Variants in ACYP2 observed in about 807,000 individuals in gnomAD.
ACYP2 encodes acylphosphatase-2.
Under a neutral mutation model 11.2 loss-of-function variants are expected in ACYP2, and 12 were observed. The ratio of observed to expected loss-of-function variants is 1.08; its 90% confidence interval spans 0.69 to 1.74. The LOEUF is 1.74. Among genes scored for constraint, ACYP2 ranks in the 40% most tolerant of loss-of-function variants. The pLI, the probability that ACYP2 is intolerant of heterozygous loss-of-function variation, is 0.00. For synonymous variants in ACYP2, 43 were observed against 32.2 expected (o/e 1.33, Z -1.13); for missense variants, 134 against 101.9 (o/e 1.31, Z -1.35).
intron 6 of ACYP2, among the ~76,000 whole-genome samples, chr2:54,198,727 A>G (rs1309895441): frequency 6.6e-6 from 1 of 152,250 alleles, no homozygotes; most frequent in Non-Finnish European, 1.5e-5. Flanking sequence ...ATAAAAAATG[A>G]ACAAAAACCA....
intron 4 of ACYP2, among the ~76,000 whole-genome samples, chr2:54,090,751 A>C (rs1045582456): frequency 1.3e-5 from 2 of 151,850 alleles, no homozygotes; most frequent in African/African-American, 4.8e-5. Context: ...CTTTTGCCCT[A>C]TTTTCCTTTG....
chr2:54,242,394 G>C (rs1417073764), intron 6 of ACYP2, among the ~76,000 whole-genome samples: 1 of 152,194 alleles, frequency 6.6e-6, no homozygotes, highest in Non-Finnish European at 1.5e-5. Context: ...CCTTGTCATT[G>C]TGGTTATTGG....
chr2:54,233,437 C>T (rs1686333111), intron 6 of ACYP2, among the ~76,000 whole-genome samples: 1 of 151,782 alleles, frequency 6.6e-6, no homozygotes, highest in African/African-American at 2.4e-5. Flanking sequence ...GCTGGGACTA[C>T]AGGCATGAGC....
intron 6 of ACYP2, among the ~76,000 whole-genome samples, chr2:54,274,105 T>G (rs1408782788): frequency 2.0e-5 from 3 of 152,194 alleles, no homozygotes; most frequent in Non-Finnish European, 4.4e-5. Flanking sequence ...TATAATGGAC[T>G]TACAGTTTCA....
intron 4 of ACYP2, among the ~76,000 whole-genome samples, chr2:54,123,017 T>C (rs993749509): frequency 1.3e-5 from 2 of 152,170 alleles, no homozygotes; most frequent in Non-Finnish European, 2.9e-5. Flanking sequence ...GAGGCTACTC[T>C]AGGGTAGAGC....
At chr2:54,127,714 C>T (rs1680622378) in intron 4 of ACYP2, among the ~76,000 whole-genome samples, 1 of 149,104 alleles carries the variant, frequency 6.7e-6, no homozygotes. Flanking sequence ...CACCATGCCA[C>T]TCCACTGCAG....
chr2:54,275,470 C>T lies in ACYP2; in HGVS notation c.405-29218C>T, dbSNP rs542780602. Among the ~76,000 whole-genome samples, 21 of 152,284 alleles carry T rather than the reference C, an allele frequency of 1.4e-4. 1 individual carries two copies. The highest frequency in any genetic ancestry group is 1.2e-3 in the Admixed American group (18 of 15,292). ...TCTTTAATTTTGAAAGAGGAATAGTCCCACTTGACTATTTCTAGCTTCCAG... is the reference window on the plus strand; with the variant it reads ...TCTTTAATTTTGAAAGAGGAATAGTTCCACTTGACTATTTCTAGCTTCCAG... On this transcript the variant is annotated intron_variant, in intron 6 of 6. Transcript: ENST00000607452.
chr2:54,266,588 A>ATATTTTTTT (rs1558655792), intron 6 of ACYP2, among the ~76,000 whole-genome samples: 1 of 91,140 alleles, frequency 1.1e-5, no homozygotes, highest in Non-Finnish European at 2.1e-5. Context: ...ATATCTATCT[A>ATATTTTTTT]TCTTTTTTTT....
intron 4 of ACYP2, among the ~76,000 whole-genome samples, chr2:54,102,744 A>G (rs1187685687): frequency 1.3e-5 from 2 of 151,400 alleles, no homozygotes; most frequent in African/African-American, 2.4e-5. Context: ...GGCTCAAACA[A>G]TATCATCAGG....
chr2:54,246,038 T>A (rs760323995), intron 6 of ACYP2, among the ~76,000 whole-genome samples: 32 of 152,126 alleles, frequency 2.1e-4, no homozygotes, highest in Non-Finnish European at 3.7e-4. Flanking sequence ...TTATGTAGAG[T>A]GAGAGATGGA....
intron 2 of ACYP2, among the ~76,000 whole-genome samples, chr2:53,998,316 A>T (rs990816060): frequency 1.3e-5 from 2 of 152,186 alleles, no homozygotes; most frequent in Non-Finnish European, 1.5e-5. Flanking sequence ...CCAGAAATGT[A>T]TCAGTGAATG....
chr2:54,275,518 T>C (rs1688517116), intron 6 of ACYP2, among the ~76,000 whole-genome samples: 1 of 152,220 alleles, frequency 6.6e-6, no homozygotes, highest in Non-Finnish European at 1.5e-5. Flanking sequence ...AGAGAAAACA[T>C]TTCTTTAGAA....
intron 4 of ACYP2, among the ~76,000 whole-genome samples, chr2:54,129,617 T>G (rs1219545229): frequency 6.7e-6 from 1 of 149,980 alleles, no homozygotes; most frequent in African/African-American, 2.4e-5. Context: ...ATAATAGATA[T>G]GTACTATGGA....
At chr2:53,979,883 G>A (rs1367843494) in intron 2 of ACYP2, among the ~76,000 whole-genome samples, 2 of 151,826 alleles carry the variant, frequency 1.3e-5, no homozygotes, top group African/African-American at 4.8e-5. Flanking sequence ...GTAGAGACAA[G>A]GTTTCACCAT....
At chr2:54,051,541 A>G in intron 3 of ACYP2, 1 of 734,688 alleles carries the variant, frequency 1.4e-6, no homozygotes, top group African/African-American at 1.7e-5. Flanking sequence ...GCCCAAAAAT[A>G]AAAGGAGATC....
At chr2:54,256,108 T>C (rs1307101667) in intron 6 of ACYP2, 25 of 1,614,058 alleles carry the variant, frequency 1.5e-5, no homozygotes, top group Non-Finnish European at 1.7e-5. Context: ...TTCCAGAGCA[T>C]AGTCGAGAGT....
chr2:54,201,632 C>CTTTG (rs1190292116), intron 6 of ACYP2, among the ~76,000 whole-genome samples: 2,871 of 74,190 alleles, frequency 0.039, 73 homozygotes, highest in East Asian at 0.072. Flanking sequence ...TTGTTTCTTT[C>CTTTG]TTTCTCTTTC....
chr2:54,283,071 GCA>G (rs1688915499), intron 6 of ACYP2, among the ~76,000 whole-genome samples: 1 of 152,126 alleles, frequency 6.6e-6, no homozygotes. Context: ...TTTATACTTT[GCA>G]CAGTGGTGTT....
At chr2:54,245,343 G>A (rs972432974) in intron 6 of ACYP2, among the ~76,000 whole-genome samples, 2 of 152,098 alleles carry the variant, frequency 1.3e-5, no homozygotes, top group Non-Finnish European at 2.9e-5. Context: ...CAATAAACAT[G>A]GGGGTGCAGA....
Sources: gnomAD v4.1 joint callset for allele counts (sites outside exome capture counted in the v4.1 genomes callset) on GRCh38, gnomAD v4.1.1 for gene constraint, MANE v1.5 for transcripts, NCBI Gene and HGNC (gene_info 2026-07-23, HGNC 2026-07-21) for gene names.